The following OSBPL3 variants were observed in gnomAD, a reference collection of about 807,000 sequenced individuals.
OSBPL3 encodes oxysterol binding protein like 3, also known as oxysterol-binding protein-related protein 3.
In OSBPL3, 65 loss-of-function variants were observed where a neutral mutation model predicts 120.1. That is an observed-to-expected ratio of 0.54 (90% CI 0.44 to 0.67). The LOEUF (loss-of-function observed/expected upper bound fraction) is 0.67. OSBPL3 is among the 30% of genes least tolerant of loss of function. The pLI is 0.00. For synonymous variants in OSBPL3, 416 were observed against 402.6 expected, an observed-to-expected ratio of 1.03 and a Z score of -0.40; for missense variants, 1,004 against 1,082.1, an observed-to-expected ratio of 0.93 and a Z score of 1.01.
chr7:24,961,206 G>A (rs114522733), intron 1 of OSBPL3, among the ~76,000 whole-genome samples: 5 of 152,138 alleles, frequency 3.3e-5, no homozygotes, highest in African/African-American at 1.2e-4. Flanking sequence ...GGACATCTAT[G>A]TCTTTAATAA....
At position 24,922,917 on chromosome 7, in the gene OSBPL3, A is replaced by G. The variant is rs1584631783; in HGVS notation, c.-149-30296T>C. Among the ~76,000 whole-genome samples the G allele has an allele frequency of 7.0e-6, 1 of 143,016 alleles. No individual in the cohort carries two copies. The highest frequency in any genetic ancestry group is 2.4e-4 in the South Asian group (1 of 4,182). The allele number at this position is 143,016 out of a possible 152,430, so 93.8% of individuals were successfully genotyped here. On this transcript the variant is annotated intron_variant, in intron 1 of 22. Transcript: ENST00000313367. The surrounding 1 kb of genome is among the most constrained non-coding windows in gnomAD (Gnocchi z 4.3). ...GGGTCGATGCAGCAAACAAACAAAA[A>G]AGCAAGTTTGCTTACAGTTTTGGCA... is the stretch of plus-strand genomic sequence containing the variant.
intron 12 of OSBPL3, among the ~76,000 whole-genome samples, chr7:24,842,936 T>A (rs989755529): frequency 6.6e-6 from 1 of 152,256 alleles, no homozygotes. Flanking sequence ...TGGCAGATCA[T>A]TTACTATTCA....
intron 1 of OSBPL3, among the ~76,000 whole-genome samples, chr7:24,962,216 T>A (rs560483242): frequency 1.4e-4 from 21 of 151,696 alleles, no homozygotes; most frequent in African/African-American, 4.6e-4. Context: ...GGCAGGAGAA[T>A]CGCTTGAACC....
intron 1 of OSBPL3, among the ~76,000 whole-genome samples, chr7:24,895,894 C>A (rs1053625174): frequency 2.0e-5 from 3 of 152,186 alleles, no homozygotes; most frequent in Non-Finnish European, 4.4e-5. Context: ...ATCTTAAGTG[C>A]ACATACAGAA....
At chr7:24,850,378 C>A (rs1445933017) in intron 11 of OSBPL3, among the ~76,000 whole-genome samples, 2 of 152,248 alleles carry the variant, frequency 1.3e-5, no homozygotes, top group African/African-American at 2.4e-5. Context: ...CAGACACTCA[C>A]ACGATCAGCT....
In OSBPL3 at chr7:24,916,918, A is replaced by ACAC. The variant is rs1554404702; in HGVS notation, c.-149-24298_-149-24297insGTG. 1.4e-5 allele frequency among the ~76,000 whole-genome samples: 2 copies of ACAC among 145,594 alleles called. No individual in the cohort carries two copies. On this transcript the variant is annotated intron_variant, in intron 1 of 22. Coordinates refer to ENST00000313367, the MANE Select transcript of OSBPL3 (RefSeq NM_015550.4). This position sits in a 1 kb window ranked among gnomAD's most constrained non-coding sequence, Gnocchi z 4.9. ...AGCCACTAAGACGTCTTCCATTTCC[A>ACAC]CCCCCCCCAACCTTTTTAGAAAATT...
rs1011863690 is a variant in OSBPL3, at chr7:24,881,201, G to A, written c.97-9132C>T. ...ATGACTTAGAATCACAGGAGTAGGT[G>A]GCAGAAGTTTAGCACAATAAACTCT... On this transcript the variant is annotated intron_variant, in intron 2 of 22. Coordinates refer to ENST00000313367, the MANE Select transcript of OSBPL3 (RefSeq NM_015550.4). This position sits in a 1 kb window ranked among gnomAD's most constrained non-coding sequence, Gnocchi z 4.3. 6.6e-6 allele frequency among the ~76,000 whole-genome samples: 1 copy of A among 152,176 alleles called. No homozygotes were observed. The highest frequency in any genetic ancestry group is 1.5e-5 in the Non-Finnish European group (1 of 68,034).
In OSBPL3 at chr7:24,815,159, T is replaced by C; in HGVS notation, c.2072A>G (p.His691Arg). 6 of 1,613,730 alleles carry C rather than the reference T, an allele frequency of 3.7e-6. No homozygotes were observed. The highest frequency in any genetic ancestry group is 4.2e-6 in the Non-Finnish European group (5 of 1,179,610). Residue 691 changes from histidine (H) to arginine (R), a missense_variant, in exon 19 of 23, where the codon CAT becomes CGT. Around this residue, in one of 4 missense-constraint regions of OSBPL3, gnomAD observed 473 missense variants for 568.0 expected, o/e 0.83. Transcript: ENST00000313367. The surrounding 1 kb of genome is among the most constrained non-coding windows in gnomAD (Gnocchi z 5.1). ...CCACCTCTGCCCGCTTAAGATGTTA[T>C]GGATGCAAGAGGTCACTTTGTTCCA... The part of the protein sequence containing the change: ...FEWNKVTSCI[H>R]NILSGQRWIE...
At chr7:24,980,360 A>C (rs760714158), upstream of OSBPL3, among the ~76,000 whole-genome samples, 1 of 151,942 alleles carries the variant, frequency 6.6e-6, no homozygotes, top group Non-Finnish European at 1.5e-5. Context: ...GGAAGAAGCC[A>C]GCGGATTCCA....
At chr7:24,825,399 G>GC (rs1387019208) in intron 16 of OSBPL3, among the ~76,000 whole-genome samples, 1 of 152,194 alleles carries the variant, frequency 6.6e-6, no homozygotes, top group African/African-American at 2.4e-5. Flanking sequence ...ATTTTGGGGA[G>GC]AATGCAGATG....
chr7:24,902,119 T>C (rs903999644), intron 1 of OSBPL3, among the ~76,000 whole-genome samples: 2 of 152,200 alleles, frequency 1.3e-5, no homozygotes, highest in Non-Finnish European at 2.9e-5. Context: ...CTGAAAGGGG[T>C]TGTTGAGGTG....
chr7:24,908,575 A>G (rs906347352), intron 1 of OSBPL3, among the ~76,000 whole-genome samples: 10 of 152,178 alleles, frequency 6.6e-5, no homozygotes, highest in Non-Finnish European at 1.5e-4. Context: ...TTCTAAAATC[A>G]TATTCTAGTC....
chr7:24,890,984 T>C (rs1428658420), intron 2 of OSBPL3, among the ~76,000 whole-genome samples: 1 of 152,224 alleles, frequency 6.6e-6, no homozygotes, highest in Non-Finnish European at 1.5e-5. Context: ...AAATGAATCA[T>C]GTTCTCCCCC....
chr7:24,839,766 A>T (rs1376744064), intron 14 of OSBPL3, among the ~76,000 whole-genome samples: 3 of 152,080 alleles, frequency 2.0e-5, no homozygotes, highest in Admixed American at 6.6e-5. Flanking sequence ...AGGCAGGTAG[A>T]TCACTTGACG....
intron 7 of OSBPL3, among the ~76,000 whole-genome samples, chr7:24,865,125 A>G (rs561270807): frequency 6.6e-6 from 1 of 152,326 alleles, no homozygotes; most frequent in African/African-American, 2.4e-5. Context: ...CTGAAGGAAC[A>G]GAAGAAGAAA....
intron 18 of OSBPL3, 26 bp downstream of exon 18, chr7:24,816,584 T>C: frequency 6.5e-7 from 1 of 1,547,264 alleles, no homozygotes; most frequent in African/African-American, 1.4e-5. Context: ...TCCATAAAGC[T>C]CCTTAACCAC....
chr7:24,947,957 G>A lies in OSBPL3; in HGVS notation c.-150+31929C>T, dbSNP rs1813931523. ...GATTATATCACAGATTAAGCTTTAA[G>A]AATGATTTTTTTAATCCAATGTTCA... On this transcript the variant is annotated intron_variant, in intron 1 of 22. Coordinates refer to ENST00000313367, the MANE Select transcript of OSBPL3 (RefSeq NM_015550.4). This position sits in a 1 kb window ranked among gnomAD's most constrained non-coding sequence, Gnocchi z 4.4. 6.6e-6 allele frequency among the ~76,000 whole-genome samples: 1 copy of A among 152,090 alleles called. No individual in the cohort carries two copies. The highest frequency in any genetic ancestry group is 6.5e-5 in the Admixed American group (1 of 15,272).
chr7:24,872,201 C>A lies in OSBPL3; in HGVS notation c.97-132G>T. On this transcript the variant is annotated intron_variant, in intron 2 of 22. Transcript: ENST00000313367. The surrounding 1 kb of genome is among the most constrained non-coding windows in gnomAD (Gnocchi z 4.1). ...CTGGGTTTGTTGGGGAGAAGAAATC[C>A]AAATTTAATTTCCATACAGTCCCTG... 1.5e-6 allele frequency: 1 copy of A among 655,244 alleles called. No individual in the cohort carries two copies. 40.6% of individuals were successfully genotyped at this position (655,244 alleles called of 1,614,324 possible). A position where few individuals can be genotyped will look rare whatever the true frequency, so the allele number is the denominator to read the frequency against.
chr7:24,877,246 G>A lies in OSBPL3; in HGVS notation c.97-5177C>T. Among the ~76,000 whole-genome samples the A allele has an allele frequency of 6.6e-6, 1 of 152,166 alleles. No individual in the cohort carries two copies. The highest frequency in any genetic ancestry group is 1.9e-4 in the East Asian group (1 of 5,204). On this transcript the variant is annotated intron_variant, in intron 2 of 22. Transcript: ENST00000313367. This position sits in a 1 kb window ranked among gnomAD's most constrained non-coding sequence, Gnocchi z 4.8. Reference sequence around the variant, plus strand: ...GTGGGCCAAGACCTTGAGACAATTGGAAGGAGTTAAGAAACAGTGCAGTAT... The same window carrying A: ...GTGGGCCAAGACCTTGAGACAATTGAAAGGAGTTAAGAAACAGTGCAGTAT...
Sources: gnomAD v4.1 joint callset for allele counts (sites outside exome capture counted in the v4.1 genomes callset) on GRCh38, gnomAD v4.1.1 for gene constraint, gnomAD v4.1.1 regional missense constraint, Gnocchi (gnomAD v3.1) non-coding constraint, MANE v1.5 for transcripts, NCBI Gene and HGNC (gene_info 2026-07-23, HGNC 2026-07-21) for gene names.